Variants in GLIS3 observed in about 807,000 individuals in gnomAD.
GLIS3 encodes the protein GLIS family zinc finger 3, also known as zinc finger protein GLIS3.
In GLIS3, 53 loss-of-function variants were observed where a neutral mutation model predicts 78.6. The observed-to-expected ratio is 0.67, with a 90% CI of 0.54 to 0.85. GLIS3 has a LOEUF of 0.85. Among genes scored for constraint, GLIS3 ranks in the 40% least tolerant of loss-of-function variants. The pLI, the probability that GLIS3 is intolerant of heterozygous loss-of-function variation, is 0.00. For synonymous variants in GLIS3, 684 were observed against 509.9 expected, an observed-to-expected ratio of 1.34 and a Z score of -4.60; for missense variants, 1,703 against 1,231.1, an observed-to-expected ratio of 1.38 and a Z score of -5.74.
chr9:4,225,251 C>G (rs1470853534), intron 2 of GLIS3, among the ~76,000 whole-genome samples: 1 of 152,104 alleles, frequency 6.6e-6, no homozygotes, highest in Non-Finnish European at 1.5e-5. Flanking sequence ...ATATACTTCG[C>G]TCTTTAAAAT....
intron 2 of GLIS3, among the ~76,000 whole-genome samples, chr9:4,139,877 T>C (rs1833679167): frequency 6.6e-6 from 1 of 152,178 alleles, no homozygotes; most frequent in South Asian, 2.1e-4. Flanking sequence ...CACCTGCTGT[T>C]GTGTGGCCTG....
chr9:4,239,710 G>C (rs1400140316), intron 2 of GLIS3, among the ~76,000 whole-genome samples: 1 of 152,156 alleles, frequency 6.6e-6, no homozygotes, highest in Admixed American at 6.5e-5. Flanking sequence ...TCCCTTATTA[G>C]ATTGCATCTA....
At chr9:4,068,695 T>C (rs908212307) in intron 4 of GLIS3, among the ~76,000 whole-genome samples, 4 of 152,140 alleles carry the variant, frequency 2.6e-5, no homozygotes, top group East Asian at 1.9e-4. Context: ...TACATACAAA[T>C]GGCCTCAGAA....
intron 4 of GLIS3, among the ~76,000 whole-genome samples, chr9:3,999,052 CCTTG>C (rs1233723288): frequency 1.3e-5 from 2 of 151,980 alleles, no homozygotes; most frequent in East Asian, 3.8e-4. Flanking sequence ...CTCTTTTGTA[CCTTG>C]CTTATTTCCA....
chr9:4,457,059 T>A, the GLIS3 span, among the ~76,000 whole-genome samples: 1 of 152,146 alleles, frequency 6.6e-6, no homozygotes, highest in African/African-American at 2.4e-5. Flanking sequence ...AAACCTTCAA[T>A]TTATAAGAAA....
intron 6 of GLIS3, among the ~76,000 whole-genome samples, chr9:3,909,702 T>G (rs1411606165): frequency 6.6e-6 from 1 of 152,098 alleles, no homozygotes; most frequent in Non-Finnish European, 1.5e-5. Context: ...TAATGATTAT[T>G]TAGTAAGAAA....
chr9:3,996,261 A>T (rs1244088451), intron 4 of GLIS3, among the ~76,000 whole-genome samples: 2 of 152,182 alleles, frequency 1.3e-5, no homozygotes, highest in Admixed American at 6.5e-5. Flanking sequence ...TGTCCTTCAG[A>T]AAAAAGAAAA....
the GLIS3 span, among the ~76,000 whole-genome samples, chr9:4,357,193 G>A: frequency 1.3e-5 from 2 of 152,194 alleles, no homozygotes; most frequent in Non-Finnish European, 2.9e-5. Context: ...GGGTTACAAG[G>A]TGCCCAGAAG....
At chr9:4,348,504 T>G (rs1817923787), upstream of GLIS3, 1 of 152,256 alleles carries the variant, frequency 6.6e-6, no homozygotes, top group African/African-American at 2.4e-5. Flanking sequence ...ACTATTCTAC[T>G]TATATCTCAT....
intron 2 of GLIS3, among the ~76,000 whole-genome samples, chr9:4,334,603 G>A (rs1384498824): frequency 6.6e-6 from 1 of 152,254 alleles, no homozygotes; most frequent in African/African-American, 2.4e-5. Flanking sequence ...TTACCTAGGT[G>A]AACGCCAAAC....
At chr9:3,881,123 T>C (rs1223402017) in intron 7 of GLIS3, among the ~76,000 whole-genome samples, 3 of 152,182 alleles carry the variant, frequency 2.0e-5, no homozygotes, top group Non-Finnish European at 1.5e-5. Flanking sequence ...TTCCAAATAA[T>C]AATTTTACTC....
intron 4 of GLIS3, among the ~76,000 whole-genome samples, chr9:3,993,654 G>C (rs1484546992): frequency 6.6e-6 from 1 of 152,062 alleles, no homozygotes; most frequent in Non-Finnish European, 1.5e-5. Context: ...ATATTTGTTT[G>C]TATATATCAA....
intron 1 of GLIS3, among the ~76,000 whole-genome samples, chr9:4,294,965 T>TAA (rs1476582179): frequency 6.6e-6 from 1 of 152,238 alleles, no homozygotes; most frequent in Admixed American, 6.5e-5. Flanking sequence ...GGTGTGACCA[T>TAA]AATCATGAAT....
At chr9:4,234,658 G>C (rs891114785) in intron 2 of GLIS3, among the ~76,000 whole-genome samples, 22 of 152,090 alleles carry the variant, frequency 1.4e-4, no homozygotes, top group African/African-American at 3.6e-4. Flanking sequence ...ATACTGTTTG[G>C]AAAAAATAGT....
intron 2 of GLIS3, among the ~76,000 whole-genome samples, chr9:4,273,480 C>T (rs1398963417): frequency 2.6e-5 from 4 of 152,092 alleles, no homozygotes; most frequent in Admixed American, 2.6e-4. Flanking sequence ...GTGGTCCCCA[C>T]TACTCAGGAG....
At chr9:3,931,266 G>A (rs924310482) in intron 6 of GLIS3, among the ~76,000 whole-genome samples, 2 of 151,878 alleles carry the variant, frequency 1.3e-5, no homozygotes, top group Admixed American at 6.6e-5. Context: ...CTGGCATTGT[G>A]CTAACACTTC....
chr9:4,176,928 T>G (rs2041659305), intron 2 of GLIS3, among the ~76,000 whole-genome samples: 1 of 152,258 alleles, frequency 6.6e-6, no homozygotes, highest in Non-Finnish European at 1.5e-5. Flanking sequence ...CCGGCCTCTT[T>G]TACCGTATTT....
intron 2 of GLIS3, among the ~76,000 whole-genome samples, chr9:4,185,776 G>C (rs535366192): frequency 6.6e-6 from 1 of 152,154 alleles, no homozygotes; most frequent in Non-Finnish European, 1.5e-5. Flanking sequence ...CTATAGGAAT[G>C]AATCGCCCTC....
intron 8 of GLIS3, among the ~76,000 whole-genome samples, chr9:3,868,037 G>T (rs1207807970): frequency 2.0e-5 from 3 of 152,174 alleles, no homozygotes; most frequent in African/African-American, 7.2e-5. Flanking sequence ...GATAAAAATG[G>T]TTATTTGAGG....
Sources: allele counts gnomAD v4.1 joint callset (sites outside exome capture counted in the v4.1 genomes callset), GRCh38; gene constraint gnomAD v4.1.1; transcripts MANE v1.5; gene names NCBI Gene and HGNC (gene_info 2026-07-23, HGNC 2026-07-21).